NIPBL: variants seen among roughly 807,000 people sequenced by gnomAD.
NIPBL encodes the protein nipped-B-like protein.
In NIPBL, 19 loss-of-function variants were observed where a neutral mutation model predicts 321.8. The observed-to-expected ratio is 0.06, with a 90% CI of 0.04 to 0.09. NIPBL has a LOEUF of 0.09. NIPBL is among the 10% of genes least tolerant of loss of function. The pLI is 1.00. For synonymous variants in NIPBL, 1,106 were observed against 1,114.1 expected (o/e 0.99, Z 0.14); for missense variants, 2,210 against 3,327.0 (o/e 0.66, Z 8.26).
intron 1 of NIPBL, among the ~76,000 whole-genome samples, chr5:36,936,477 G>A (rs542832384): frequency 1.3e-5 from 2 of 152,230 alleles, no homozygotes; most frequent in Middle Eastern, 3.4e-3. Flanking sequence ...CAATAGGTGC[G>A]TAGTAGGCTA....
intron 1 of NIPBL, among the ~76,000 whole-genome samples, chr5:36,897,825 CT>C (rs1260476257): frequency 3.5e-5 from 5 of 142,562 alleles, no homozygotes; most frequent in African/African-American, 1.3e-4. Flanking sequence ...TTTCTGAAGT[CT>C]TTACTCCACT....
chr5:36,924,730 A>G (rs1281934645), intron 1 of NIPBL, among the ~76,000 whole-genome samples: 2 of 152,240 alleles, frequency 1.3e-5, no homozygotes, highest in Non-Finnish European at 2.9e-5. Flanking sequence ...ATCAACAGTG[A>G]CAGAAAATCT....
chr5:36,925,042 A>G (rs1424312507), intron 1 of NIPBL, among the ~76,000 whole-genome samples: 1 of 152,218 alleles, frequency 6.6e-6, no homozygotes, highest in Non-Finnish European at 1.5e-5. Context: ...CCACTTATGC[A>G]GGTATTTCAT....
Position 37,045,122 on chromosome 5 carries a change from C to T in NIPBL, c.6344-321C>T, listed in dbSNP as rs565282046. ...ATCCCAGCACTTTGGGAGGCCACGG[C>T]GGGTGGATTACCTGAGGTCGGGAGT... On this transcript the variant is annotated intron_variant, in intron 36 of 46. Transcript: ENST00000282516. Among the ~76,000 whole-genome samples the T allele has an allele frequency of 3.9e-5, 6 of 152,208 alleles. No individual in the cohort carries two copies. The East Asian group carries it at 5.8e-4, about 15-fold the overall frequency.
intron 32 of NIPBL, among the ~76,000 whole-genome samples, chr5:37,032,890 G>T (rs956241419): frequency 2.6e-5 from 4 of 152,110 alleles, no homozygotes; most frequent in Non-Finnish European, 5.9e-5. Context: ...TATTAAGATG[G>T]TGTAAAAAAT....
intron 1 of NIPBL, among the ~76,000 whole-genome samples, chr5:36,881,165 T>G (rs1745473965): frequency 6.6e-6 from 1 of 152,012 alleles, no homozygotes; most frequent in Non-Finnish European, 1.5e-5. Flanking sequence ...CTGGTTGATT[T>G]AAAAGGAATT....
Position 36,876,899 on chromosome 5 carries a change from C to T in NIPBL, c.-359C>T. The T allele has an allele frequency of 2.5e-6, 1 of 396,398 alleles. No homozygotes were observed. Among genetic ancestry groups the T allele is most frequent in the Non-Finnish European group, 4.4e-6 (1 of 225,038 alleles). 24.6% of individuals were successfully genotyped at this position (396,398 alleles called of 1,614,324 possible). On this transcript the variant is annotated 5_prime_UTR_variant, in exon 1 of 47. Transcript: ENST00000282516. Reference sequence around the variant, plus strand: ...ACCAAGCCGCAGGGAGGGACGCCCCCGCCGACAGGAGAATTGGTTCCCGGG... The same window carrying T: ...ACCAAGCCGCAGGGAGGGACGCCCCTGCCGACAGGAGAATTGGTTCCCGGG...
At chr5:36,894,759 C>G (rs1422545714) in intron 1 of NIPBL, among the ~76,000 whole-genome samples, 2 of 152,130 alleles carry the variant, frequency 1.3e-5, no homozygotes, top group Non-Finnish European at 2.9e-5. Flanking sequence ...CTAGCAGTAC[C>G]TATGTGTAGG....
chr5:37,019,714 A>G (rs13172647), intron 25 of NIPBL, among the ~76,000 whole-genome samples: 130 of 152,334 alleles, frequency 8.5e-4, no homozygotes, highest in Non-Finnish European at 1.4e-3. Context: ...CGAGTGGTAC[A>G]TGAGATGATC....
chr5:36,886,348 C>T (rs1745904730), intron 1 of NIPBL: 4 of 703,964 alleles, frequency 5.7e-6, no homozygotes, highest in Middle Eastern at 7.7e-4. Context: ...CACCTGCCAC[C>T]GCCTGCTTGA....
intron 8 of NIPBL, 89 bp from the exon 9 acceptor site, chr5:36,975,687 A>T: frequency 1.6e-6 from 2 of 1,219,426 alleles, no homozygotes; most frequent in Non-Finnish European, 2.4e-6. Context: ...TTCTAGTATT[A>T]CTATATTGTC....
intron 10 of NIPBL, among the ~76,000 whole-genome samples, chr5:36,989,358 A>T (rs1418460713): frequency 1.3e-5 from 2 of 151,980 alleles, no homozygotes; most frequent in East Asian, 3.8e-4. Flanking sequence ...TTCCATCACC[A>T]TGTTTATTCC....
rs1488936534 is a variant in NIPBL, at chr5:36,877,099, C to G, written c.-159C>G. ...GGAGACGGAAGAGGAGCCGTAGCCA[C>G]CCCCCCTCCCGGCCCGGATTATAGT... On this transcript the variant is annotated 5_prime_UTR_variant, in exon 1 of 47. Transcript: ENST00000282516. 3.0e-6 allele frequency: 1 copy of G among 334,024 alleles called. No homozygotes were observed. The highest frequency in any genetic ancestry group is 5.4e-6 in the Non-Finnish European group (1 of 185,754). The allele number at this position is 334,024 out of a possible 1,614,324, so 20.7% of individuals were successfully genotyped here. A position where few individuals can be genotyped will look rare whatever the true frequency, so the allele number is the denominator to read the frequency against.
intron 30 of NIPBL, 146 bp downstream of exon 30, chr5:37,024,865 T>TA: frequency 1.5e-6 from 1 of 645,918 alleles, no homozygotes; most frequent in Non-Finnish European, 2.5e-6. Flanking sequence ...ATACATACTT[T>TA]AATTTTTTTT....
chr5:36,975,732 G>C lies in NIPBL; in HGVS notation c.869-44G>C, dbSNP rs192206800. The C allele has an allele frequency of 1.9e-5, 31 of 1,593,924 alleles. No individual in the cohort carries two copies. The East Asian group carries it at 5.1e-4, about 26-fold the overall frequency. ...TATTTCTATCACATTGTAAGAAAAT[G>C]TGAAACCACCACAACTGTTACTTCT... On this transcript the variant is annotated intron_variant, in intron 8 of 46. Transcript: ENST00000282516.
At chr5:37,027,321 A>C (rs1434630292) in intron 31 of NIPBL, 38 bp from the exon 32 acceptor site, 1 of 1,452,362 alleles carries the variant, frequency 6.9e-7, no homozygotes, top group African/African-American at 1.4e-5. Flanking sequence ...CACATTTATA[A>C]ATATACTTCT....
chr5:36,977,637 T>C (rs974561607), intron 9 of NIPBL, among the ~76,000 whole-genome samples: 1 of 151,190 alleles, frequency 6.6e-6, no homozygotes, highest in South Asian at 2.1e-4. Context: ...AGGGGATATA[T>C]GTACAGGGGT....
At chr5:36,908,527 T>C (rs1186798941) in intron 1 of NIPBL, among the ~76,000 whole-genome samples, 1 of 152,182 alleles carries the variant, frequency 6.6e-6, no homozygotes, top group Admixed American at 6.5e-5. Flanking sequence ...GGTACAATTA[T>C]TATCTAGTTA....
At position 36,996,515 on chromosome 5, in the gene NIPBL, A is replaced by AT. The variant is rs1318347743; in HGVS notation, c.3304+712dup. On this transcript the variant is annotated intron_variant, in intron 11 of 46. Coordinates refer to ENST00000282516, the MANE Select transcript of NIPBL (RefSeq NM_133433.4). The surrounding 1 kb of genome is among the most constrained non-coding windows in gnomAD (Gnocchi z 5.0). ...ACAGCTACCTCTCTACAACACTGTG[A>AT]TCACCTGTCTTTGCACTAGACTTGC... is the stretch of plus-strand genomic sequence containing the variant. The AT allele has an allele frequency of 4.4e-6, 2 of 456,468 alleles. No individual in the cohort carries two copies. Among genetic ancestry groups the AT allele is most frequent in the Non-Finnish European group, 8.8e-6 (2 of 226,918 alleles). The allele number at this position is 456,468 out of a possible 1,614,324, so 28.3% of individuals were successfully genotyped here. A position where few individuals can be genotyped will look rare whatever the true frequency, so the allele number is the denominator to read the frequency against.
Sources: gnomAD v4.1 joint callset for allele counts (sites outside exome capture counted in the v4.1 genomes callset) on GRCh38, gnomAD v4.1.1 for gene constraint, Gnocchi (gnomAD v3.1) non-coding constraint, MANE v1.5 for transcripts, NCBI Gene and HGNC (gene_info 2026-07-23, HGNC 2026-07-21) for gene names.